NRG1: variants seen among roughly 807,000 people sequenced by gnomAD.
NRG1 encodes the protein neuregulin 1, also known as pro-neuregulin-1, membrane-bound isoform.
Under a neutral mutation model 63.8 loss-of-function variants are expected in NRG1, and 18 were observed. The ratio of observed to expected loss-of-function variants is 0.28; its 90% CI spans 0.19 to 0.42. NRG1 has a LOEUF of 0.42. Among genes scored for constraint, NRG1 ranks in the 10% least tolerant of loss-of-function variants. The pLI, the probability that NRG1 is intolerant of heterozygous loss-of-function variation, is 1.00. For synonymous variants in NRG1, 302 were observed against 301.3 expected, an observed-to-expected ratio of 1.00 and a Z score of -0.02; for missense variants, 762 against 814.7, an observed-to-expected ratio of 0.94 and a Z score of 0.79.
intron 1 of NRG1, among the ~76,000 whole-genome samples, chr8:31,968,672 G>T (rs896726086): frequency 6.6e-6 from 1 of 151,974 alleles, no homozygotes; most frequent in Non-Finnish European, 1.5e-5. Context: ...ATATACTATC[G>T]TAAGTGATTT....
intron 7 of NRG1, 85 bp from the exon 8 acceptor site, chr8:32,754,287 C>A: frequency 1.8e-6 from 2 of 1,096,048 alleles, no homozygotes; most frequent in Non-Finnish European, 2.8e-6. Context: ...TGGACAATGT[C>A]ATGCAGCATG....
intron 1 of NRG1, among the ~76,000 whole-genome samples, chr8:31,787,310 G>A (rs1302671305): frequency 2.6e-5 from 4 of 152,158 alleles, no homozygotes; most frequent in Admixed American, 2.6e-4. Flanking sequence ...ACTTATTACA[G>A]CCAAATGACT....
intron 1 of NRG1, among the ~76,000 whole-genome samples, chr8:32,519,246 C>T (rs912128602): frequency 6.6e-6 from 1 of 152,014 alleles, no homozygotes; most frequent in Non-Finnish European, 1.5e-5. Context: ...GAAAGCAGGA[C>T]CTATTTGTTA....
At chr8:32,316,219 T>C (rs2129476307) in intron 1 of NRG1, among the ~76,000 whole-genome samples, 1 of 152,318 alleles carries the variant, frequency 6.6e-6, no homozygotes, top group Admixed American at 6.5e-5. Flanking sequence ...GGCTCACGCC[T>C]GTAATCCCAA....
At chr8:32,533,728 C>T (rs997639293) in intron 1 of NRG1, among the ~76,000 whole-genome samples, 2 of 151,976 alleles carry the variant, frequency 1.3e-5, no homozygotes, top group African/African-American at 4.8e-5. Flanking sequence ...GTAAAAGCAC[C>T]ATATTCAGTA....
At chr8:32,478,461 A>T (rs571889616) in intron 1 of NRG1, among the ~76,000 whole-genome samples, 1 of 152,354 alleles carries the variant, frequency 6.6e-6, no homozygotes, top group East Asian at 1.9e-4. Flanking sequence ...TAATGTCATG[A>T]CTGGTTTGTT....
In NRG1 at chr8:32,041,888, A is replaced by G. The variant is rs548437249; in HGVS notation, c.37+402457A>G. Among the ~76,000 whole-genome samples the G allele has an allele frequency of 3.9e-5, 6 of 152,310 alleles. No individual in the cohort carries two copies. In the South Asian group the frequency reaches 1.2e-3, roughly 32 times the overall value. On this transcript the variant is annotated intron_variant, in intron 1 of 10. Coordinates refer to the NRG1 transcript ENST00000519301. ...TTATTAGTGCCTGGGCTCAAATCCAAATTGTACATGAATATGTCTGGTCCT... is the reference window on the plus strand; with the variant it reads ...TTATTAGTGCCTGGGCTCAAATCCAGATTGTACATGAATATGTCTGGTCCT...
chr8:31,943,891 A>T (rs548024328), intron 1 of NRG1, among the ~76,000 whole-genome samples: 224 of 152,306 alleles, frequency 1.5e-3, no homozygotes, highest in African/African-American at 5.2e-3. Context: ...TTTTTCTCAC[A>T]GTTTGATTTC....
intron 1 of NRG1, among the ~76,000 whole-genome samples, chr8:31,976,772 G>A (rs947530832): frequency 6.6e-6 from 1 of 151,900 alleles, no homozygotes; most frequent in African/African-American, 2.4e-5. Flanking sequence ...ACAGACAATG[G>A]TTCACAGTAA....
At chr8:32,153,933 C>A (rs1223281967) in intron 1 of NRG1, among the ~76,000 whole-genome samples, 1 of 152,116 alleles carries the variant, frequency 6.6e-6, no homozygotes, top group Non-Finnish European at 1.5e-5. Context: ...TTGAGCTTCC[C>A]GATAAGACAA....
chr8:32,526,952 T>G (rs1033375357), intron 1 of NRG1, among the ~76,000 whole-genome samples: 2 of 152,158 alleles, frequency 1.3e-5, no homozygotes, highest in Non-Finnish European at 2.9e-5. Context: ...AGAAATCTAG[T>G]CTCATGACTT....
At position 31,707,943 on chromosome 8, in the gene NRG1, G is replaced by T. The variant is rs376257630; in HGVS notation, c.37+68512G>T. ...CTAATCGCTTTGGATTGTACCTAGA[G>T]ATCAGCTTTAAATTTTATCAGTGAT... is the stretch of plus-strand genomic sequence containing the variant. On this transcript the variant is annotated intron_variant, in intron 1 of 10. Coordinates refer to the NRG1 transcript ENST00000519301. Among the ~76,000 whole-genome samples, 7 of 152,110 alleles carry T rather than the reference G, an allele frequency of 4.6e-5. No individual in the cohort carries two copies. The East Asian group carries it at 1.2e-3, about 25-fold the overall frequency.
chr8:31,793,330 C>T (rs1447777341), intron 1 of NRG1, among the ~76,000 whole-genome samples: 1 of 152,140 alleles, frequency 6.6e-6, no homozygotes, highest in African/African-American at 2.4e-5. Context: ...TTTGGGATGA[C>T]ATTTTCAATG....
chr8:32,621,333 A>G (rs1244027579), intron 5 of NRG1, among the ~76,000 whole-genome samples: 1 of 152,202 alleles, frequency 6.6e-6, no homozygotes, highest in African/African-American at 2.4e-5. Flanking sequence ...TGAGTTTTCT[A>G]TTACATGTAA....
chr8:31,763,835 A>C (rs1479005795), intron 1 of NRG1, among the ~76,000 whole-genome samples: 2 of 152,052 alleles, frequency 1.3e-5, no homozygotes, highest in Non-Finnish European at 2.9e-5. Context: ...CTGTAGTCCC[A>C]GCTACTTGGG....
chr8:32,199,757 G>T (rs1421073548), intron 1 of NRG1, among the ~76,000 whole-genome samples: 1 of 151,806 alleles, frequency 6.6e-6, no homozygotes, highest in Admixed American at 6.6e-5. Context: ...CTAAAATTTA[G>T]TAATTTTTAA....
chr8:32,727,786 C>T (rs997608637), intron 5 of NRG1, among the ~76,000 whole-genome samples, 163 bp from the exon 6 acceptor site: 9 of 152,164 alleles, frequency 5.9e-5, no homozygotes, highest in African/African-American at 2.2e-4. Context: ...TGTAGTGAGA[C>T]CACAAACAGC....
chr8:32,508,378 C>T lies in NRG1; in HGVS notation c.38-87450C>T, dbSNP rs148109032. On this transcript the variant is annotated intron_variant, in intron 1 of 10. Coordinates refer to the NRG1 transcript ENST00000519301. Reference sequence around the variant, plus strand: ...CGATCGCTGCTCACTGCAACCTCCACCTCCCAGGTTCAAGCAATTCTCCTG... The same window carrying T: ...CGATCGCTGCTCACTGCAACCTCCATCTCCCAGGTTCAAGCAATTCTCCTG... Among the ~76,000 whole-genome samples, 794 of 152,052 alleles carry T rather than the reference C, an allele frequency of 5.2e-3. 5 individuals carry two copies. Among genetic ancestry groups the T allele is most frequent in the African/African-American group, 0.018 (755 of 41,472 alleles).
chr8:31,857,872 A>T (rs1828074503), intron 1 of NRG1, among the ~76,000 whole-genome samples: 1 of 152,232 alleles, frequency 6.6e-6, no homozygotes, highest in Admixed American at 6.5e-5. Flanking sequence ...GGAACTAACG[A>T]ACATACAGTG....
Sources: gnomAD v4.1 joint callset for allele counts (sites outside exome capture counted in the v4.1 genomes callset) on GRCh38, gnomAD v4.1.1 for gene constraint, MANE v1.5 for transcripts, NCBI Gene and HGNC (gene_info 2026-07-23, HGNC 2026-07-21) for gene names.